The following IGFL2 variants were observed in gnomAD, a reference collection of about 807,000 sequenced individuals.
IGFL2 encodes the protein IGF like family member 2, also known as insulin growth factor-like family member 2.
In IGFL2, 7 loss-of-function variants were observed where a neutral mutation model predicts 13.9. That is an observed-to-expected ratio of 0.51 (90% CI 0.29 to 0.95). IGFL2 has a LOEUF of 0.95. Ranked by LOEUF, IGFL2 falls within the 40% of genes least tolerant of loss-of-function variation. IGFL2 has a pLI of 0.08. For missense variants in IGFL2, 138 were observed against 147.8 expected, an observed-to-expected ratio of 0.93 and a Z score of 0.34; for synonymous variants, 55 against 55.8, an observed-to-expected ratio of 0.99 and a Z score of 0.07.
intron 1 of IGFL2, among the ~76,000 whole-genome samples, chr19:46,155,270 C>T (rs1223715024): frequency 6.6e-6 from 1 of 152,218 alleles, no homozygotes; most frequent in Non-Finnish European, 1.5e-5. Flanking sequence ...GATGCTGGTG[C>T]ACTGCCCTTT....
downstream of IGFL2, among the ~76,000 whole-genome samples, chr19:46,165,225 G>A (rs1405492811): frequency 2.0e-5 from 3 of 152,240 alleles, no homozygotes; most frequent in Non-Finnish European, 4.4e-5. Context: ...ACTCCAAGAG[G>A]TTAGGGCGCA....
chr19:46,199,787 C>T, the IGFL2 span, among the ~76,000 whole-genome samples: 14 of 152,198 alleles, frequency 9.2e-5, no homozygotes, highest in Non-Finnish European at 1.8e-4. Context: ...AGATGAAGCC[C>T]GTTATTGGGA....
downstream of IGFL2, chr19:46,164,786 A>G (rs1240860946): frequency 1.3e-5 from 2 of 152,094 alleles, no homozygotes; most frequent in East Asian, 3.9e-4. Flanking sequence ...GATATCACTA[A>G]CTTCTGAGTC....
chr19:46,114,389 A>T, the IGFL2 span, among the ~76,000 whole-genome samples: 3 of 152,220 alleles, frequency 2.0e-5, no homozygotes, highest in Non-Finnish European at 4.4e-5. Context: ...AATGGAAGTG[A>T]TGGTGGCTGA....
downstream of IGFL2, among the ~76,000 whole-genome samples, chr19:46,162,379 G>T (rs1323523796): frequency 1.3e-5 from 2 of 152,252 alleles, no homozygotes; most frequent in Non-Finnish European, 2.9e-5. Context: ...ATATCCTGAA[G>T]TATGTTTTCC....
the IGFL2 span, among the ~76,000 whole-genome samples, chr19:46,084,061 C>T: frequency 1.3e-5 from 2 of 152,158 alleles, no homozygotes; most frequent in Non-Finnish European, 2.9e-5. Context: ...AATGATTGGT[C>T]AGGAACATGT....
At chr19:46,101,404 C>G in the IGFL2 span, among the ~76,000 whole-genome samples, 1 of 152,352 alleles carries the variant, frequency 6.6e-6, no homozygotes, top group East Asian at 1.9e-4. Flanking sequence ...GAATCTTTTC[C>G]CTAAGGCCCT....
At chr19:46,097,130 G>A in the IGFL2 span, among the ~76,000 whole-genome samples, 1 of 152,192 alleles carries the variant, frequency 6.6e-6, no homozygotes, top group African/African-American at 2.4e-5. Flanking sequence ...ATTCAGCTGT[G>A]AATCCATCTG....
At chr19:46,178,293 T>A in the IGFL2 span, among the ~76,000 whole-genome samples, 216 of 141,394 alleles carry the variant, frequency 1.5e-3, 2 homozygotes, top group Middle Eastern at 3.7e-3. Context: ...AAAAAAAAAA[T>A]AGAGATCGTA....
the IGFL2 span, among the ~76,000 whole-genome samples, chr19:46,205,118 G>C: frequency 1.3e-5 from 2 of 152,112 alleles, no homozygotes; most frequent in South Asian, 4.1e-4. Context: ...AATAGGACCC[G>C]GTAATATAGG....
the IGFL2 span, among the ~76,000 whole-genome samples, chr19:46,199,242 G>A: frequency 6.6e-6 from 1 of 152,220 alleles, no homozygotes; most frequent in Non-Finnish European, 1.5e-5. Context: ...ATTAGAAAGT[G>A]AGATGGGAGA....
the IGFL2 span, chr19:46,124,252 C>T: frequency 6.2e-7 from 1 of 1,609,884 alleles, no homozygotes; most frequent in Non-Finnish European, 8.5e-7. Context: ...CTCATTTTTC[C>T]CTGTCCTGTC....
chr19:46,183,330 G>A, the IGFL2 span, among the ~76,000 whole-genome samples: 1 of 152,054 alleles, frequency 6.6e-6, no homozygotes, highest in Non-Finnish European at 1.5e-5. Context: ...TTTGAGTGGG[G>A]ACACAGAGCC....
chr19:46,201,408 A>G, the IGFL2 span, among the ~76,000 whole-genome samples: 1 of 152,192 alleles, frequency 6.6e-6, no homozygotes, highest in African/African-American at 2.4e-5. Flanking sequence ...CTTTGTCGAA[A>G]CAGGCACAGT....
chr19:46,178,013 T>G, the IGFL2 span, among the ~76,000 whole-genome samples: 7 of 152,056 alleles, frequency 4.6e-5, no homozygotes, highest in Non-Finnish European at 8.8e-5. Context: ...GTGCGGTGGT[T>G]CACGCCTGTA....
chr19:46,088,962 G>A, the IGFL2 span, among the ~76,000 whole-genome samples: 4 of 152,288 alleles, frequency 2.6e-5, no homozygotes, highest in African/African-American at 7.2e-5. Context: ...GGTTAAAGGC[G>A]CTAATGTAGA....
At chr19:46,182,032 T>C in the IGFL2 span, among the ~76,000 whole-genome samples, 1 of 152,166 alleles carries the variant, frequency 6.6e-6, no homozygotes, top group Non-Finnish European at 1.5e-5. Context: ...CATAAAAATA[T>C]ACTCATTTTA....
At chr19:46,180,137 A>G in the IGFL2 span, among the ~76,000 whole-genome samples, 1 of 152,030 alleles carries the variant, frequency 6.6e-6, no homozygotes, top group Non-Finnish European at 1.5e-5. Context: ...GAGCCAAGAA[A>G]ACACCTGCTT....
chr19:46,212,607 A>C, the IGFL2 span: 1 of 137,552 alleles, frequency 7.3e-6, no homozygotes, highest in Non-Finnish European at 1.6e-5. Flanking sequence ...GTCCTTGAAA[A>C]TCTCAGGAGG....
Sources: gnomAD v4.1 joint callset for allele counts (sites outside exome capture counted in the v4.1 genomes callset) on GRCh38, gnomAD v4.1.1 for gene constraint, MANE v1.5 for transcripts, NCBI Gene and HGNC (gene_info 2026-07-23, HGNC 2026-07-21) for gene names.